MAP3K20: variants seen among roughly 807,000 people sequenced by gnomAD.
The protein encoded by MAP3K20 is HCCS-4.
In MAP3K20, 40 loss-of-function variants were observed where a neutral mutation model predicts 85.7. The observed-to-expected ratio is 0.47, with a 90% CI of 0.36 to 0.61. The LOEUF (loss-of-function observed/expected upper bound fraction) is 0.61, where lower values mean the gene tolerates loss of function less well. MAP3K20 is among the 20% of genes least tolerant of loss of function. MAP3K20 has a pLI of 0.00. For synonymous variants in MAP3K20, 325 were observed against 327.7 expected (o/e 0.99, Z 0.09); for missense variants, 817 against 961.7 (o/e 0.85, Z 1.99).
At chr2:173,147,354 G>A (rs966451613) in intron 2 of MAP3K20, among the ~76,000 whole-genome samples, 10 of 152,048 alleles carry the variant, frequency 6.6e-5, no homozygotes, top group Non-Finnish European at 1.3e-4. Flanking sequence ...TTCATTTTTT[G>A]TCTGTTTTGA....
At chr2:173,145,986 TC>T (rs1341369125) in intron 2 of MAP3K20, among the ~76,000 whole-genome samples, 1 of 152,076 alleles carries the variant, frequency 6.6e-6, no homozygotes, top group African/African-American at 2.4e-5. Context: ...ACATCATGAT[TC>T]CACTCACGTG....
chr2:173,114,105 T>C (rs112441098), intron 2 of MAP3K20, among the ~76,000 whole-genome samples: 2,078 of 152,300 alleles, frequency 0.014, 26 homozygotes, highest in South Asian at 0.035. Flanking sequence ...AATTGTGATA[T>C]TTTCCTATTG....
At chr2:173,101,276 A>G (rs1352621346) in intron 2 of MAP3K20, among the ~76,000 whole-genome samples, 1 of 152,184 alleles carries the variant, frequency 6.6e-6, no homozygotes, top group Non-Finnish European at 1.5e-5. Flanking sequence ...AAAGCCCCTA[A>G]TCCTTCTTAT....
At chr2:173,077,818 CGGACTT>C (rs1686908782) in intron 1 of MAP3K20, among the ~76,000 whole-genome samples, 1 of 152,174 alleles carries the variant, frequency 6.6e-6, no homozygotes, top group Non-Finnish European at 1.5e-5. Context: ...ATTAAACACT[CGGACTT>C]GGATCTAAAA....
At chr2:173,082,703 C>T (rs984566527) in intron 1 of MAP3K20, among the ~76,000 whole-genome samples, 4 of 152,214 alleles carry the variant, frequency 2.6e-5, no homozygotes, top group Admixed American at 1.3e-4. Flanking sequence ...CTCCCCTCTC[C>T]GTGCACCCTC....
intron 1 of MAP3K20, among the ~76,000 whole-genome samples, chr2:173,081,153 A>G (rs1157436615): frequency 6.6e-6 from 1 of 152,092 alleles, no homozygotes; most frequent in Non-Finnish European, 1.5e-5. Flanking sequence ...CTTAAATTGA[A>G]CAAATCGATA....
At chr2:173,134,002 A>T (rs113993048) in intron 2 of MAP3K20, among the ~76,000 whole-genome samples, 1 of 150,896 alleles carries the variant, frequency 6.6e-6, no homozygotes, top group East Asian at 1.9e-4. Context: ...AAAAACAAAA[A>T]ACAAAAAACA....
chr2:173,189,398 C>G (rs1325399010), intron 5 of MAP3K20, among the ~76,000 whole-genome samples: 2 of 152,130 alleles, frequency 1.3e-5, no homozygotes, highest in South Asian at 2.1e-4. Context: ...CAAGGCACTG[C>G]ACGGTTTACA....
intron 2 of MAP3K20, among the ~76,000 whole-genome samples, chr2:173,133,535 G>A (rs2106203207): frequency 6.6e-6 from 1 of 152,222 alleles, no homozygotes; most frequent in African/African-American, 2.4e-5. Flanking sequence ...CATACCTTCA[G>A]AGAATATGAA....
At chr2:173,110,024 G>A (rs1390372162) in intron 2 of MAP3K20, among the ~76,000 whole-genome samples, 2 of 151,132 alleles carry the variant, frequency 1.3e-5, no homozygotes, top group African/African-American at 2.4e-5. Flanking sequence ...GGGACGTGAT[G>A]TATTTGTCTC....
In MAP3K20 at chr2:173,266,797, A is replaced by AAAAAG; in HGVS notation, c.*50_*51insAGAAA. 1 of 1,354,058 alleles carries AAAAAG rather than the reference A, an allele frequency of 7.4e-7. No individual in the cohort carries two copies. Among genetic ancestry groups the AAAAAG allele is most frequent in the Admixed American group, 3.1e-5 (1 of 32,092 alleles). 83.9% of individuals were successfully genotyped at this position (1,354,058 alleles called of 1,614,324 possible). On this transcript the variant is annotated 3_prime_UTR_variant, in exon 20 of 20. Coordinates refer to ENST00000375213, the MANE Select transcript of MAP3K20 (RefSeq NM_016653.3). ...TCTAAGCAGGTTAAAAAAAAAAAAAAAAAGAAATGTAATGGTTTTTGATAA... is the reference window on the plus strand; with the variant it reads ...TCTAAGCAGGTTAAAAAAAAAAAAAAAAAAGAAAGAAATGTAATGGTTTTTGATAA...
At chr2:173,103,784 A>G (rs538941848) in intron 2 of MAP3K20, among the ~76,000 whole-genome samples, 15 of 152,308 alleles carry the variant, frequency 9.8e-5, no homozygotes, top group African/African-American at 3.4e-4. Context: ...CATGTGAATA[A>G]TACCTTGAAG....
intron 18 of MAP3K20, among the ~76,000 whole-genome samples, chr2:173,261,868 G>A (rs1245275435): frequency 6.6e-6 from 1 of 151,834 alleles, no homozygotes; most frequent in Non-Finnish European, 1.5e-5. Context: ...AATACAAAAA[G>A]TAGCCAGGTG....
chr2:173,083,610 G>T (rs1030745170), intron 1 of MAP3K20, among the ~76,000 whole-genome samples: 1 of 152,000 alleles, frequency 6.6e-6, no homozygotes, highest in Non-Finnish European at 1.5e-5. Flanking sequence ...TTGGTGTTAC[G>T]GACAAATACA....
intron 1 of MAP3K20, among the ~76,000 whole-genome samples, chr2:173,088,443 T>C (rs543481674): frequency 1.3e-5 from 2 of 152,340 alleles, no homozygotes; most frequent in East Asian, 1.9e-4. Flanking sequence ...CAGAAGTTAA[T>C]AGATAATATC....
chr2:173,135,724 A>G (rs553991810), intron 2 of MAP3K20, among the ~76,000 whole-genome samples: 20 of 152,306 alleles, frequency 1.3e-4, no homozygotes, highest in African/African-American at 3.4e-4. Context: ...GCCCAGTTAT[A>G]TTTCTCTGAA....
chr2:173,124,738 A>G (rs531066071), intron 2 of MAP3K20, among the ~76,000 whole-genome samples: 25 of 152,332 alleles, frequency 1.6e-4, no homozygotes, highest in African/African-American at 5.5e-4. Flanking sequence ...TGGCAGCCAG[A>G]CTGTCAAGAG....
intron 8 of MAP3K20, among the ~76,000 whole-genome samples, chr2:173,203,158 T>C (rs1683543992): frequency 6.6e-6 from 1 of 152,138 alleles, no homozygotes; most frequent in South Asian, 2.1e-4. Context: ...ACAAAATGCT[T>C]CTGTGGAATA....
intron 2 of MAP3K20, among the ~76,000 whole-genome samples, chr2:173,107,925 G>T (rs572109094): frequency 6.6e-6 from 1 of 152,212 alleles, no homozygotes; most frequent in South Asian, 2.1e-4. Context: ...CTCCCCTGTG[G>T]CTTGTTAGCA....
Sources: gnomAD v4.1 joint callset for allele counts (sites outside exome capture counted in the v4.1 genomes callset) on GRCh38, gnomAD v4.1.1 for gene constraint, MANE v1.5 for transcripts, NCBI Gene and HGNC (gene_info 2026-07-23, HGNC 2026-07-21) for gene names.